The following ZNF737 variants were observed in gnomAD, a reference collection of about 807,000 sequenced individuals.
The protein encoded by ZNF737 is zinc finger protein 737, also known as zinc finger protein 102 (Y3).
Under a neutral mutation model 11.7 loss-of-function variants are expected in ZNF737, and 13 were observed. The ratio of observed to expected loss-of-function variants is 1.11; its 90% CI spans 0.73 to 1.77. The LOEUF (loss-of-function observed/expected upper bound fraction) is 1.77. Among genes scored for constraint, ZNF737 ranks in the 40% most tolerant of loss-of-function variants. The pLI, the probability that ZNF737 is intolerant of heterozygous loss-of-function variation, is 0.00. For synonymous variants in ZNF737, 217 were observed against 216.2 expected (o/e 1.00, Z -0.03); for missense variants, 636 against 638.0 (o/e 1.00, Z 0.03).
At chr19:20,564,007 T>C (rs1969203209) in intron 1 of ZNF737, 1 of 151,812 alleles carries the variant, frequency 6.6e-6, no homozygotes, top group Non-Finnish European at 1.5e-5. Context: ...CTACTTAAAA[T>C]ACAAAAGAAT....
intron 2 of ZNF737, among the ~76,000 whole-genome samples, chr19:20,553,484 T>G (rs1270391658): frequency 6.6e-6 from 1 of 152,106 alleles, no homozygotes; most frequent in African/African-American, 2.4e-5. Flanking sequence ...GATCTTGAAC[T>G]CCTAGCCTCA....
In ZNF737 at chr19:20,543,300, T is replaced by C. The variant is rs1322460010; in HGVS notation, c.*1292A>G. 1.4e-5 allele frequency: 14 copies of C among 985,560 alleles called. No homozygotes were observed. The highest frequency in any genetic ancestry group is 1.7e-5 in the Non-Finnish European group (14 of 829,908). The allele number at this position is 985,560 out of a possible 1,614,324, so 61.1% of individuals were successfully genotyped here. A position where few individuals can be genotyped will look rare whatever the true frequency, so the allele number is the denominator to read the frequency against. ...CAAACTTGAGCAACTGCTTTAGGAT[T>C]TTCCTCCAGTACAAAATGTGTGCAA... On this transcript the variant is annotated 3_prime_UTR_variant, in exon 4 of 4. Coordinates refer to ENST00000427401, the MANE Select transcript of ZNF737 (RefSeq NM_001159293.2).
chr19:20,562,772 TA>T (rs1165143379), intron 1 of ZNF737, among the ~76,000 whole-genome samples: 2 of 152,188 alleles, frequency 1.3e-5, no homozygotes, highest in East Asian at 3.9e-4. Flanking sequence ...AAATATCCCT[TA>T]ATCGAACTCT....
chr19:20,535,805 G>T (rs1170205311), downstream of ZNF737: 2 of 150,952 alleles, frequency 1.3e-5, no homozygotes, highest in African/African-American at 4.9e-5. Context: ...GGGATTACAG[G>T]CGTCAGTCCC....
intron 1 of ZNF737, among the ~76,000 whole-genome samples, chr19:20,558,616 C>G (rs1458083031): frequency 6.6e-6 from 1 of 152,150 alleles, no homozygotes; most frequent in African/African-American, 2.4e-5. Flanking sequence ...AAACTCTCAT[C>G]TGGGTACCAA....
Position 20,546,971 on chromosome 19 carries a change from A to C in ZNF737, c.227-995T>G, listed in dbSNP as rs1445182459. 7.9e-5 allele frequency among the ~76,000 whole-genome samples: 12 copies of C among 152,254 alleles called. No individual in the cohort carries two copies. The South Asian group carries it at 1.9e-3, about 24-fold the overall frequency. On this transcript the variant is annotated intron_variant, in intron 3 of 3. Coordinates refer to ENST00000427401, the MANE Select transcript of ZNF737 (RefSeq NM_001159293.2). ...AATGAAACTAGGAATTAAAAGCAAA[A>C]GTCAAACTGGCAAATTCTAAAATAA...
At chr19:20,556,930 T>C (rs1196039616) in intron 1 of ZNF737, among the ~76,000 whole-genome samples, 3 of 152,244 alleles carry the variant, frequency 2.0e-5, no homozygotes, top group Admixed American at 2.0e-4. Context: ...AAGGGTTTAA[T>C]AGTTTTCAAG....
At chr19:20,549,259 G>A (rs1198411174) in intron 3 of ZNF737, among the ~76,000 whole-genome samples, 1 of 152,082 alleles carries the variant, frequency 6.6e-6, no homozygotes, top group Non-Finnish European at 1.5e-5. Flanking sequence ...GACTTAAAGT[G>A]TACAAAAAGA....
chr19:20,548,591 G>A (rs1968540461), intron 3 of ZNF737, among the ~76,000 whole-genome samples: 1 of 151,960 alleles, frequency 6.6e-6, no homozygotes, highest in Non-Finnish European at 1.5e-5. Flanking sequence ...TTAACAATGT[G>A]AATATACTTA....
chr19:20,545,032 G>A lies in ZNF737; in HGVS notation c.1171C>T (p.His391Tyr), dbSNP rs782179017. Residue 391 changes from histidine (H) to tyrosine (Y), a missense_variant, in exon 4 of 4, where the codon CAT becomes TAT. By Grantham distance (83) the His-to-Tyr change is moderately conservative (BLOSUM62 2). Coordinates refer to ENST00000427401, the MANE Select transcript of ZNF737 (RefSeq NM_001159293.2). ...SSHLTTHKRIHTGEKPYKCEE... is the reference protein window; with the variant it reads ...SSHLTTHKRIYTGEKPYKCEE... ...CATTTGTAGGGTTTCTCTCCAGTATGAATTCTCTTATGTGTAGTAAGGTGT... is the reference window on the plus strand; with the variant it reads ...CATTTGTAGGGTTTCTCTCCAGTATAAATTCTCTTATGTGTAGTAAGGTGT... The A allele has an allele frequency of 9.9e-6, 16 of 1,613,794 alleles. No individual in the cohort carries two copies. Among genetic ancestry groups the A allele is most frequent in the Non-Finnish European group, 1.4e-5 (16 of 1,179,932 alleles).
intron 1 of ZNF737, among the ~76,000 whole-genome samples, chr19:20,555,855 T>C (rs543239833): frequency 1.3e-5 from 2 of 152,058 alleles, no homozygotes; most frequent in Non-Finnish European, 2.9e-5. Context: ...ATCTCCTCCT[T>C]CACTGGAATT....
intron 1 of ZNF737, among the ~76,000 whole-genome samples, chr19:20,556,980 T>C (rs1968913096): frequency 6.6e-6 from 1 of 152,208 alleles, no homozygotes; most frequent in Non-Finnish European, 1.5e-5. Context: ...TCTTCTTCTG[T>C]TTCTCTCTCA....
In ZNF737 at chr19:20,553,798, G is replaced by C. The variant is rs1968785110; in HGVS notation, c.41C>G (p.Ser14Cys). ...LQFRDVAIEFSLEEWHCLDTA... is the reference protein window; with the variant it reads ...LQFRDVAIEFCLEEWHCLDTA... ...GTCCAGGCAATGCCACTCCTCCAGA[G>C]AGAATTCTATGGCCACGTCTCTAAA... Residue 14 changes from serine to cysteine, a missense_variant, in exon 2 of 4, where the codon TCT (serine) becomes TGT (cysteine). Ser to Cys is a moderately radical substitution (Grantham distance 112). Transcript: ENST00000427401. The C allele has an allele frequency of 6.2e-7, 1 of 1,613,956 alleles. No individual in the cohort carries two copies. The highest frequency in any genetic ancestry group is 8.5e-7 in the Non-Finnish European group (1 of 1,179,956).
At chr19:20,553,927 T>C in intron 1 of ZNF737, 92 bp from the exon 2 acceptor site, 6 of 1,476,502 alleles carry the variant, frequency 4.1e-6, no homozygotes. Context: ...TAAAGACAAA[T>C]GGTTCTGACT....
rs781909861 is a variant in ZNF737 at position 20,544,794 on chromosome 19, G to T, written c.1409C>A (p.Ala470Glu). 3.0e-5 allele frequency: 48 copies of T among 1,609,552 alleles called. No homozygotes were observed. The African/African-American group carries it at 6.2e-4, about 21-fold the overall frequency. ...KAFNSSSHLT[A>E]HKRIHTGEKP... is the part of the protein sequence containing the mutation. ...CTCTCCAGTATGAATTCTCTTATGT[G>T]CAGTAAGGTGTGAGGACGAGTTGAA... is the stretch of plus-strand genomic sequence containing the variant. Residue 470 changes from alanine (A) to glutamate (E), a missense_variant, in exon 4 of 4, where the codon GCA (alanine) becomes GAA (glutamate). Physicochemically the swap from Ala to Glu is moderately radical, Grantham distance 107 (BLOSUM62 -1). Transcript: ENST00000427401.
intron 1 of ZNF737, among the ~76,000 whole-genome samples, chr19:20,556,430 G>A (rs111958624): frequency 1.2e-3 from 175 of 150,822 alleles, no homozygotes; most frequent in Non-Finnish European, 1.8e-3. Flanking sequence ...AAGCTTTAAC[G>A]AGCTAAGCTA....
rs991529750 is a variant in ZNF737 at position 20,540,489 on chromosome 19, G to A, written c.*4103C>T. On this transcript the variant is annotated 3_prime_UTR_variant, in exon 4 of 4. Transcript: ENST00000427401. ...TTTAAAATCATCTTTTGCTGGGCAC[G>A]GTGGCTCATGATTCTAATACCAGCA... 2.0e-5 allele frequency among the ~76,000 whole-genome samples: 3 copies of A among 152,050 alleles called. No individual in the cohort carries two copies. Among genetic ancestry groups the A allele is most frequent in the Admixed American group, 6.6e-5 (1 of 15,256 alleles).
intron 1 of ZNF737, among the ~76,000 whole-genome samples, chr19:20,564,551 G>C: frequency 6.6e-6 from 1 of 152,054 alleles, no homozygotes. Context: ...TACTCCAGAG[G>C]CTGAAGCAGA....
Position 20,543,748 on chromosome 19 carries a change from T to C in ZNF737, c.*844A>G. 1.0e-6 allele frequency: 1 copy of C among 985,328 alleles called. No homozygotes were observed. The highest frequency in any genetic ancestry group is 1.2e-6 in the Non-Finnish European group (1 of 829,892). The allele number at this position is 985,328 out of a possible 1,614,324, so 61.0% of individuals were successfully genotyped here. ...ATAATTATTGTTATGTGTAGAGAAG[T>C]TGGAGGTGTTCGTAAAAGCAATGTC... On this transcript the variant is annotated 3_prime_UTR_variant, in exon 4 of 4. Transcript: ENST00000427401.
Sources: gnomAD v4.1 joint callset for allele counts (sites outside exome capture counted in the v4.1 genomes callset) on GRCh38, gnomAD v4.1.1 for gene constraint, MANE v1.5 for transcripts, NCBI Gene and HGNC (gene_info 2026-07-23, HGNC 2026-07-21) for gene names.